The following ANK2 variants were observed in gnomAD, a reference collection of about 807,000 sequenced individuals.
ANK2 encodes ankyrin-2.
ANK2 carries 83 observed loss-of-function variants against 360.5 expected under a neutral mutation model. That is an observed-to-expected ratio of 0.23 (90% CI 0.19 to 0.28). The LOEUF (loss-of-function observed/expected upper bound fraction) is 0.28, where lower values mean the gene tolerates loss of function less well. Ranked by LOEUF, ANK2 falls within the 10% of genes least tolerant of loss-of-function variation. ANK2 has a pLI of 1.00. For missense variants in ANK2, 4,201 were observed against 4,795.7 expected, an observed-to-expected ratio of 0.88 and a Z score of 3.66; for synonymous variants, 1,740 against 1,759.5, an observed-to-expected ratio of 0.99 and a Z score of 0.28.
In ANK2 at chr4:113,353,905, A is replaced by G. The variant is rs1285919872; in HGVS notation, c.5287A>G (p.Ile1763Val). The change falls in exon 38 of 46, where the codon ATT becomes GTT. Residue 1763 changes from isoleucine to valine, a missense_variant. Ile to Val is a conservative substitution (Grantham distance 29). Around this residue, in one of 4 missense-constraint regions of ANK2, gnomAD observed 2,642 missense variants for 2,714.5 expected, o/e 0.97. Coordinates refer to ENST00000357077, the MANE Select transcript of ANK2 (RefSeq NM_001148.6). ...ATSPLIEETP[I>V]GSIKDKVKAL... Reference sequence around the variant, plus strand: ...ATCTCCTTTGATAGAAGAAACTCCCATTGGTTCCATAAAGGACAAAGTAAA... The same window carrying G: ...ATCTCCTTTGATAGAAGAAACTCCCGTTGGTTCCATAAAGGACAAAGTAAA... The G allele has an allele frequency of 3.1e-6, 5 of 1,614,108 alleles. No individual in the cohort carries two copies. The highest frequency in any genetic ancestry group is 4.2e-6 in the Non-Finnish European group (5 of 1,179,982).
intron 1 of ANK2, among the ~76,000 whole-genome samples, chr4:113,103,773 T>C (rs1562090534): frequency 6.6e-6 from 1 of 152,186 alleles, no homozygotes; most frequent in African/African-American, 2.4e-5. Context: ...AGTATACATA[T>C]TAAATATATC....
rs1352080408 is a variant in ANK2, at chr4:113,232,943, G to A, written c.483+684G>A. On this transcript the variant is annotated intron_variant, in intron 5 of 45. Transcript: ENST00000357077. ...AGGCAGATTAAGGAGCAAGTTCAAT[G>A]ACTGTCTGGGGCAGTGATTTCAAGT... Among the ~76,000 whole-genome samples, 4 of 152,108 alleles carry A rather than the reference G, an allele frequency of 2.6e-5. No individual in the cohort carries two copies. The East Asian group carries it at 7.7e-4, about 29-fold the overall frequency.
chr4:112,967,578 T>C (rs1295166764), intron 2 of ANK2, among the ~76,000 whole-genome samples: 1 of 152,230 alleles, frequency 6.6e-6, no homozygotes, highest in Non-Finnish European at 1.5e-5. Flanking sequence ...TGATGTATAC[T>C]TTTCCAAAGG....
intron 1 of ANK2, among the ~76,000 whole-genome samples, chr4:112,835,688 A>G (rs2060842431): frequency 6.6e-6 from 1 of 152,092 alleles, no homozygotes; most frequent in Non-Finnish European, 1.5e-5. Context: ...CAATTTCTGG[A>G]TGGTTTTAAG....
chr4:112,761,138 C>T, the ANK2 span, among the ~76,000 whole-genome samples: 2 of 151,918 alleles, frequency 1.3e-5, no homozygotes, highest in Admixed American at 6.6e-5. Context: ...TAAACACGTG[C>T]ATTTTTATAG....
chr4:113,263,998 A>AT (rs1361634499), intron 13 of ANK2, among the ~76,000 whole-genome samples: 2 of 152,182 alleles, frequency 1.3e-5, no homozygotes, highest in Non-Finnish European at 2.9e-5. Context: ...AATGTGTCAT[A>AT]TTTTGGGGTA....
In ANK2 at chr4:113,258,136, A is replaced by G. The variant is rs2153634086; in HGVS notation, c.1275A>G (p.Gln425=). Reference sequence around the variant, plus strand: ...TGGTGAAATATGGGGCTTCAATCCAAGCTATAACAGAGGTAGAAAAATGTT... The same window carrying G: ...TGGTGAAATATGGGGCTTCAATCCAGGCTATAACAGAGGTAGAAAAATGTT... ...ELLVKYGASI[Q]AITESGLTPI... is the part of the protein sequence containing the mutation. The change falls in exon 12 of 46, where the codon CAA becomes CAG. Residue 425 remains glutamine, a synonymous_variant. Coordinates refer to ENST00000357077, the MANE Select transcript of ANK2 (RefSeq NM_001148.6). 1.9e-6 allele frequency: 3 copies of G among 1,613,476 alleles called. No homozygotes were observed. Among genetic ancestry groups the G allele is most frequent in the Non-Finnish European group, 2.5e-6 (3 of 1,179,376 alleles).
chr4:113,287,462 A>C (rs2065241779), intron 18 of ANK2, 143 bp from the exon 19 acceptor site: 2 of 709,298 alleles, frequency 2.8e-6, no homozygotes, highest in Admixed American at 2.1e-5. Context: ...TTTGCCTTGA[A>C]TATCAGAAGA....
chr4:112,809,290 G>A, the ANK2 span, among the ~76,000 whole-genome samples: 3 of 150,136 alleles, frequency 2.0e-5, no homozygotes, highest in African/African-American at 2.4e-5. Flanking sequence ...GGCCGGGCGC[G>A]GTGGCTCACG....
chr4:113,052,727 A>G (rs550627913), intron 1 of ANK2, among the ~76,000 whole-genome samples: 1 of 152,170 alleles, frequency 6.6e-6, no homozygotes, highest in Non-Finnish European at 1.5e-5. Flanking sequence ...GTTGAACATG[A>G]TGGGTTTATG....
At chr4:113,270,953 A>G (rs2058265645) in intron 14 of ANK2, among the ~76,000 whole-genome samples, 1 of 152,242 alleles carries the variant, frequency 6.6e-6, no homozygotes, top group Non-Finnish European at 1.5e-5. Context: ...ACAGTGCTTT[A>G]GAATTCATCA....
intron 1 of ANK2, among the ~76,000 whole-genome samples, chr4:112,856,635 G>A (rs902285723): frequency 6.6e-6 from 1 of 152,202 alleles, no homozygotes; most frequent in African/African-American, 2.4e-5. Flanking sequence ...GGCTGAGGCA[G>A]GAGAATCGCT....
intron 1 of ANK2, among the ~76,000 whole-genome samples, chr4:113,146,348 T>G (rs2096834380): frequency 6.6e-6 from 1 of 152,204 alleles, no homozygotes; most frequent in Non-Finnish European, 1.5e-5. Context: ...TTACGTTCAG[T>G]CTGTCAAATT....
intron 38 of ANK2, among the ~76,000 whole-genome samples, chr4:113,360,284 G>A (rs554360608): frequency 1.6e-4 from 25 of 152,208 alleles, no homozygotes; most frequent in African/African-American, 5.8e-4. Context: ...TTTTATCCTC[G>A]TTTCTCCAAG....
At chr4:113,106,543 A>G (rs17625809) in intron 1 of ANK2, among the ~76,000 whole-genome samples, 2 of 151,984 alleles carry the variant, frequency 1.3e-5, no homozygotes, top group Non-Finnish European at 2.9e-5. Context: ...TCTTTTTGGG[A>G]TCAGTCGTAA....
At chr4:112,855,892 T>C (rs1465397673) in intron 1 of ANK2, among the ~76,000 whole-genome samples, 6 of 152,120 alleles carry the variant, frequency 3.9e-5, no homozygotes, top group South Asian at 2.1e-4. Context: ...ATTTTAATGG[T>C]CTTAGGAGAA....
At chr4:112,760,542 T>A in the ANK2 span, among the ~76,000 whole-genome samples, 3 of 151,712 alleles carry the variant, frequency 2.0e-5, no homozygotes, top group Non-Finnish European at 2.9e-5. Flanking sequence ...TTCTATTTTT[T>A]AATTTTATTA....
intron 1 of ANK2, among the ~76,000 whole-genome samples, chr4:113,172,018 G>A (rs971856275): frequency 6.6e-6 from 1 of 152,142 alleles, no homozygotes; most frequent in Admixed American, 6.5e-5. Flanking sequence ...CTGATCTTTT[G>A]CTGAGTTTAA....
intron 4 of ANK2, chr4:113,217,040 T>C (rs1402804143): frequency 6.6e-6 from 1 of 152,164 alleles, no homozygotes; most frequent in African/African-American, 2.4e-5. Context: ...AGCTTATTCC[T>C]CTGATGAAAA....
Sources: gnomAD v4.1 joint callset for allele counts (sites outside exome capture counted in the v4.1 genomes callset) on GRCh38, gnomAD v4.1.1 for gene constraint, gnomAD v4.1.1 regional missense constraint, MANE v1.5 for transcripts, NCBI Gene and HGNC (gene_info 2026-07-23, HGNC 2026-07-21) for gene names.